The following PHKG2 variants were observed in gnomAD, a reference collection of about 807,000 sequenced individuals.
PHKG2 encodes the protein phosphorylase b kinase gamma catalytic chain, liver/testis isoform.
In PHKG2, 28 loss-of-function variants were observed where a neutral mutation model predicts 44.5. The ratio of observed to expected loss-of-function variants is 0.63; its 90% CI spans 0.47 to 0.86. The LOEUF (loss-of-function observed/expected upper bound fraction) is 0.86. Among genes scored for constraint, PHKG2 ranks in the 40% least tolerant of loss-of-function variants. The pLI is 0.00. For synonymous variants in PHKG2, 220 were observed against 211.2 expected, an observed-to-expected ratio of 1.04 and a Z score of -0.36; for missense variants, 498 against 547.5, an observed-to-expected ratio of 0.91 and a Z score of 0.90.
Position 30,756,907 on chromosome 16 carries a change from G to T in PHKG2, c.1031G>T (p.Arg344Leu). Reference sequence around the variant, plus strand: ...CTGTTGAGGGACCCTTATGCGCTGCGGTCAGTGCGGCACCTCATCGACAAC... The same window carrying T: ...CTGTTGAGGGACCCTTATGCGCTGCTGTCAGTGCGGCACCTCATCGACAAC... ...NALLRDPYALRSVRHLIDNCA... is the reference protein window; with the variant it reads ...NALLRDPYALLSVRHLIDNCA... Residue 344 changes from arginine (R) to leucine (L), a missense_variant, in exon 10 of 10, where the codon CGG becomes CTG. Transcript: ENST00000563588. 1 of 1,614,054 alleles carries T rather than the reference G, an allele frequency of 6.2e-7. No homozygotes were observed. Among genetic ancestry groups the T allele is most frequent in the Non-Finnish European group, 8.5e-7 (1 of 1,180,032 alleles).
At position 30,759,201 on chromosome 16, in the gene PHKG2, T is replaced by G; in HGVS notation, c.*2104T>G. The stretch of plus-strand genomic sequence containing the variant: ...ACCCGTCTCACTCTCTGGCCACAGT[T>G]TGGGTGGCTGTAGCCCCATGTAAGT... On this transcript the variant is annotated 3_prime_UTR_variant, in exon 10 of 10. Coordinates refer to ENST00000563588, the MANE Select transcript of PHKG2 (RefSeq NM_000294.3). The G allele has an allele frequency of 6.2e-7, 1 of 1,614,166 alleles. No individual in the cohort carries two copies. The highest frequency in any genetic ancestry group is 1.7e-5 in the Admixed American group (1 of 60,024).
Position 30,752,922 on chromosome 16 carries a change from T to C in PHKG2, c.327-310T>C, listed in dbSNP as rs2053370787. 6 of 428,694 alleles carry C rather than the reference T, an allele frequency of 1.4e-5. No individual in the cohort carries two copies. The South Asian group carries it at 1.6e-4, about 12-fold the overall frequency. 26.6% of individuals were successfully genotyped at this position (428,694 alleles called of 1,614,324 possible). A position where few individuals can be genotyped will look rare whatever the true frequency, so the allele number is the denominator to read the frequency against. On this transcript the variant is annotated intron_variant, in intron 4 of 9. Transcript: ENST00000563588. ...AACTGAAATTTTGGTCCATTTTCTT[T>C]ATAGATTCACTTTGAGAGGCCTTTT...
In PHKG2 at chr16:30,760,299, G is replaced by A. The variant is rs768520508; in HGVS notation, c.*3202G>A. On this transcript the variant is annotated 3_prime_UTR_variant, in exon 10 of 10. Coordinates refer to ENST00000563588, the MANE Select transcript of PHKG2 (RefSeq NM_000294.3). ...CCCCTCTCACCAATACAAGCCTTGT[G>A]AAGATCCTGGAGCAGGGCACAAGCC... The A allele has an allele frequency of 5.6e-6, 9 of 1,614,200 alleles. No individual in the cohort carries two copies. The Admixed American group carries it at 1.0e-4, about 18-fold the overall frequency.
Position 30,751,125 on chromosome 16 carries a change from C to G in PHKG2, c.115C>G (p.Arg39Gly), listed in dbSNP as rs1289451316. 1.2e-6 allele frequency: 2 copies of G among 1,613,576 alleles called. No homozygotes were observed. The highest frequency in any genetic ancestry group is 1.7e-6 in the Non-Finnish European group (2 of 1,180,026). Reference protein sequence around the residue: ...VIGRGVSSVVRRCVHRATGHE... With the variant: ...VIGRGVSSVVGRCVHRATGHE... ...TTGCAGAGGAGTGAGCTCTGTGGTCCGCCGTTGTGTTCATCGAGCTACTGG... is the reference window on the plus strand; with the variant it reads ...TTGCAGAGGAGTGAGCTCTGTGGTCGGCCGTTGTGTTCATCGAGCTACTGG... Residue 39 changes from arginine (R) to glycine (G), a missense_variant, in exon 3 of 10, where the codon CGC becomes GGC. Physicochemically the swap from Arg to Gly is moderately radical, Grantham distance 125. Transcript: ENST00000563588.
chr16:30,752,889 C>T (rs1567261611), intron 4 of PHKG2: 1 of 377,098 alleles, frequency 2.7e-6, no homozygotes, highest in Non-Finnish European at 4.9e-6. Flanking sequence ...AACCTTTGTG[C>T]CACAAAAAAC....
In PHKG2 at chr16:30,758,007, G is replaced by A. The variant is rs1417421170; in HGVS notation, c.*910G>A. 8.1e-6 allele frequency: 2 copies of A among 247,528 alleles called. No homozygotes were observed. Among genetic ancestry groups the A allele is most frequent in the Admixed American group, 5.6e-5 (1 of 17,814 alleles). 15.3% of individuals were successfully genotyped at this position (247,528 alleles called of 1,614,324 possible). A position where few individuals can be genotyped will look rare whatever the true frequency, so the allele number is the denominator to read the frequency against. On this transcript the variant is annotated 3_prime_UTR_variant, in exon 10 of 10. Transcript: ENST00000563588. ...TGAGTTAATTTATGTAAAATGCTTAGAGCAGGGCATGCACTGCACACCTAT... is the reference window on the plus strand; with the variant it reads ...TGAGTTAATTTATGTAAAATGCTTAAAGCAGGGCATGCACTGCACACCTAT...
At position 30,760,683 on chromosome 16, in the gene PHKG2, GA is replaced by G. The variant is rs35446957; in HGVS notation, c.*3591del. 6.5e-7 allele frequency: 1 copy of G among 1,549,636 alleles called. No homozygotes were observed. The highest frequency in any genetic ancestry group is 1.4e-5 in the African/African-American group (1 of 72,842). ...CCAGGTACTTCCTGTTATAGTAAAA[GA>G]AAAAGAGTATTGGTGGCCGTTACCT... On this transcript the variant is annotated 3_prime_UTR_variant, in exon 10 of 10. Transcript: ENST00000563588.
In PHKG2 at chr16:30,761,084, C is replaced by T; in HGVS notation, c.*3987C>T. ...TTCCAGTCACCTGGAGTAATTGCAT[C>T]TCCAGGCCTCAGTCTCATCTGTAAA... On this transcript the variant is annotated 3_prime_UTR_variant, in exon 10 of 10. Coordinates refer to ENST00000563588, the MANE Select transcript of PHKG2 (RefSeq NM_000294.3). 1.6e-6 allele frequency: 2 copies of T among 1,232,218 alleles called. No individual in the cohort carries two copies. The highest frequency in any genetic ancestry group is 1.1e-6 in the Non-Finnish European group (1 of 872,090). The allele number at this position is 1,232,218 out of a possible 1,614,324, so 76.3% of individuals were successfully genotyped here. A position where few individuals can be genotyped will look rare whatever the true frequency, so the allele number is the denominator to read the frequency against.
rs750112532 is a variant in PHKG2, at chr16:30,760,944, T to C, written c.*3847T>C. The C allele has an allele frequency of 6.6e-6, 4 of 610,600 alleles. No homozygotes were observed. The highest frequency in any genetic ancestry group is 1.2e-5 in the Non-Finnish European group (4 of 346,222). 37.8% of individuals were successfully genotyped at this position (610,600 alleles called of 1,614,324 possible). A position where few individuals can be genotyped will look rare whatever the true frequency, so the allele number is the denominator to read the frequency against. On this transcript the variant is annotated 3_prime_UTR_variant, in exon 10 of 10. Coordinates refer to ENST00000563588, the MANE Select transcript of PHKG2 (RefSeq NM_000294.3). ...GTCAAGTACTCCCTGTGGCCCTCAG[T>C]GTCCCCCTCTGTACAATACTCCTTA...
chr16:30,759,612 T>G lies in PHKG2; in HGVS notation c.*2515T>G, dbSNP rs1240965818. 2.5e-5 allele frequency: 41 copies of G among 1,613,962 alleles called. No homozygotes were observed. The highest frequency in any genetic ancestry group is 1.1e-4 in the South Asian group (10 of 91,086). ...GAGAGAGACTGGGTGAGACCTTGTC[T>G]GGGGATGGGTAAAGTTTCCAGAATG... On this transcript the variant is annotated 3_prime_UTR_variant, in exon 10 of 10. Coordinates refer to ENST00000563588, the MANE Select transcript of PHKG2 (RefSeq NM_000294.3).
At position 30,757,224 on chromosome 16, in the gene PHKG2, C is replaced by T; in HGVS notation, c.*127C>T. ...ATGATCCTGCTACCCTCTTGAAGAC[C>T]AGCCCGGTACCTCTCTCCCCACTGG... On this transcript the variant is annotated 3_prime_UTR_variant, in exon 10 of 10. Coordinates refer to ENST00000563588, the MANE Select transcript of PHKG2 (RefSeq NM_000294.3). 1.3e-6 allele frequency: 2 copies of T among 1,579,514 alleles called. No homozygotes were observed. Among genetic ancestry groups the T allele is most frequent in the East Asian group, 4.5e-5 (2 of 44,096 alleles).
chr16:30,749,031 G>A (rs548622874), intron 2 of PHKG2, 116 bp downstream of exon 2: 7 of 109,270 alleles, frequency 6.4e-5, no homozygotes, highest in South Asian at 1.4e-4. Flanking sequence ...GGTGGTGGTG[G>A]TGGTGGTGGT....
chr16:30,751,220 G>A lies in PHKG2; in HGVS notation c.210G>A (p.Val70=). 1 of 1,613,498 alleles carries A rather than the reference G, an allele frequency of 6.2e-7. No individual in the cohort carries two copies. Among genetic ancestry groups the A allele is most frequent in the Non-Finnish European group, 8.5e-7 (1 of 1,180,040 alleles). Residue 70 remains valine (V), a synonymous_variant, in exon 3 of 10, where the codon GTG becomes GTA. Transcript: ENST00000563588. ...ERLSPEQLEE[V]REATRRETHI... is the part of the protein sequence containing the mutation. ...TGAGTCCTGAGCAGCTGGAGGAGGTGCGGGAAGCCACACGGCGAGAGACAC... is the reference window on the plus strand; with the variant it reads ...TGAGTCCTGAGCAGCTGGAGGAGGTACGGGAAGCCACACGGCGAGAGACAC...
intron 4 of PHKG2, chr16:30,751,852 G>A: frequency 2.1e-6 from 1 of 482,552 alleles, no homozygotes; most frequent in Non-Finnish European, 3.9e-6. Context: ...CCAGCACTTT[G>A]GGAGGCCGAG....
Position 30,756,666 on chromosome 16 carries a change from G to A in PHKG2, c.878G>A (p.Arg293His), listed in dbSNP as rs200348735. The change falls in exon 9 of 10, where the codon CGT (arginine) becomes CAT (histidine). Residue 293 changes from arginine (R) to histidine (H), a missense_variant. By Grantham distance (29) the Arg-to-His change is conservative (BLOSUM62 0). Coordinates refer to ENST00000563588, the MANE Select transcript of PHKG2 (RefSeq NM_000294.3). ...EQALQHPFFE[R>H]CEGSQPWNLT... ...GCCCTACAGCACCCCTTCTTTGAGC[G>A]TTGTGAAGGCAGCCAACCCTGGAAC... The A allele has an allele frequency of 6.2e-6, 10 of 1,614,104 alleles. No homozygotes were observed. Among genetic ancestry groups the A allele is most frequent in the African/African-American group, 5.3e-5 (4 of 75,042 alleles).
At chr16:30,755,799 AT>A (rs746737296) in intron 6 of PHKG2, among the ~76,000 whole-genome samples, 1 of 152,028 alleles carries the variant, frequency 6.6e-6, no homozygotes, top group Non-Finnish European at 1.5e-5. Flanking sequence ...TTTTTTGCGT[AT>A]GTATTATGAT....
chr16:30,755,686 A>G (rs1358679796), intron 6 of PHKG2, among the ~76,000 whole-genome samples: 1 of 152,120 alleles, frequency 6.6e-6, no homozygotes, highest in Non-Finnish European at 1.5e-5. Flanking sequence ...CAAAAAAAAA[A>G]GAAAAGAAAT....
intron 6 of PHKG2, chr16:30,755,286 G>A (rs949432634): frequency 1.1e-5 from 2 of 186,412 alleles, no homozygotes; most frequent in African/African-American, 4.7e-5. Context: ...AAGTTTTGGA[G>A]GGCTCTGGAC....
At chr16:30,749,206 TG>T (rs1431430411) in intron 2 of PHKG2, among the ~76,000 whole-genome samples, 3 of 106,866 alleles carry the variant, frequency 2.8e-5, no homozygotes, top group Non-Finnish European at 3.9e-5. Context: ...CTGGTGGTGG[TG>T]TGTGTGTGTG....
Sources: gnomAD v4.1 joint callset for allele counts (sites outside exome capture counted in the v4.1 genomes callset) on GRCh38, gnomAD v4.1.1 for gene constraint, MANE v1.5 for transcripts, NCBI Gene and HGNC (gene_info 2026-07-23, HGNC 2026-07-21) for gene names.